ST8SIA6: variants seen among roughly 807,000 people sequenced by gnomAD.
ST8SIA6 encodes alpha-2,8-sialyltransferase 8F.
Under a neutral mutation model 33.6 loss-of-function variants are expected in ST8SIA6, and 39 were observed. That is an observed-to-expected ratio of 1.16 (90% CI 0.90 to 1.52). The LOEUF is 1.52. Among genes scored for constraint, ST8SIA6 ranks in the 40% most tolerant of loss-of-function variants. The pLI, the probability that ST8SIA6 is intolerant of heterozygous loss-of-function variation, is 0.00. For synonymous variants in ST8SIA6, 172 were observed against 167.2 expected (o/e 1.03, Z -0.22); for missense variants, 441 against 443.8 (o/e 0.99, Z 0.06).
intron 3 of ST8SIA6, among the ~76,000 whole-genome samples, chr10:17,367,389 G>A (rs1185794501): frequency 6.6e-6 from 1 of 152,028 alleles, no homozygotes; most frequent in Non-Finnish European, 1.5e-5. Context: ...AGAACAGCAC[G>A]AGAAAACCCG....
chr10:17,334,105 C>T (rs899874125), intron 4 of ST8SIA6, among the ~76,000 whole-genome samples: 2 of 151,580 alleles, frequency 1.3e-5, no homozygotes, highest in Admixed American at 1.3e-4. Context: ...AGCAGTTAAA[C>T]ACACTTAGGT....
rs141127233 is a variant in ST8SIA6, at chr10:17,335,464, A to C, written c.378-3912T>G. Among the ~76,000 whole-genome samples the C allele has an allele frequency of 2.7e-3, 418 of 152,316 alleles. 2 individuals are homozygous for C. Among genetic ancestry groups the C allele is most frequent in the African/African-American group, 9.6e-3 (400 of 41,584 alleles). On this transcript the variant is annotated intron_variant, in intron 4 of 7. Coordinates refer to ENST00000377602, the MANE Select transcript of ST8SIA6 (RefSeq NM_001004470.3). Reference sequence around the variant, plus strand: ...CTTCTGAATTCCAATAATTCTCAAGACGTGAAAAGTAGGGGTAATATTTGC... The same window carrying C: ...CTTCTGAATTCCAATAATTCTCAAGCCGTGAAAAGTAGGGGTAATATTTGC...
In ST8SIA6 at chr10:17,378,376, C is replaced by T. The variant is rs536724742; in HGVS notation, c.290+12155G>A. Among the ~76,000 whole-genome samples, 7 of 152,242 alleles carry T rather than the reference C, an allele frequency of 4.6e-5. No individual in the cohort carries two copies. The East Asian group carries it at 5.8e-4, about 13-fold the overall frequency. On this transcript the variant is annotated intron_variant, in intron 3 of 7. Transcript: ENST00000377602. ...CTTTTGTCACTTTGGAAAGCAAAAACGGATAATGTCAGAGACCACTGAAGA... is the reference window on the plus strand; with the variant it reads ...CTTTTGTCACTTTGGAAAGCAAAAATGGATAATGTCAGAGACCACTGAAGA...
chr10:17,327,591 CA>C (rs1436983378), intron 5 of ST8SIA6, among the ~76,000 whole-genome samples: 1 of 147,960 alleles, frequency 6.8e-6, no homozygotes. Context: ...GTCTCCAAAA[CA>C]AAACAAAACA....
At chr10:17,449,375 T>C (rs990510228) in intron 2 of ST8SIA6, among the ~76,000 whole-genome samples, 9 of 152,182 alleles carry the variant, frequency 5.9e-5, no homozygotes, top group African/African-American at 2.2e-4. Flanking sequence ...AGAGAAAGGA[T>C]CCATTGTAAT....
chr10:17,331,967 G>C (rs1848317375), intron 4 of ST8SIA6, among the ~76,000 whole-genome samples: 1 of 152,222 alleles, frequency 6.6e-6, no homozygotes, highest in African/African-American at 2.4e-5. Flanking sequence ...ACAGGCACCA[G>C]TGTGAGATGT....
intron 3 of ST8SIA6, among the ~76,000 whole-genome samples, chr10:17,362,493 A>C (rs1186575657): frequency 6.6e-6 from 1 of 152,158 alleles, no homozygotes. Context: ...ATACTTTTTT[A>C]AAGAGTTCCC....
intron 3 of ST8SIA6, among the ~76,000 whole-genome samples, chr10:17,385,940 T>A (rs916794453): frequency 3.3e-5 from 5 of 152,132 alleles, no homozygotes; most frequent in African/African-American, 1.2e-4. Flanking sequence ...CACAACACTT[T>A]GGGAGGCCAA....
At position 17,318,616 on chromosome 10, in the gene ST8SIA6, C is replaced by T. The variant is rs1847846517; in HGVS notation, c.*2262G>A. On this transcript the variant is annotated 3_prime_UTR_variant, in exon 8 of 8. Coordinates refer to ENST00000377602, the MANE Select transcript of ST8SIA6 (RefSeq NM_001004470.3). The stretch of plus-strand genomic sequence containing the variant: ...GAGCAGAAGATCACATTAGATCTAA[C>T]AATATTTAAGCAATGCTGATTACAT... 3 of 461,822 alleles carry T rather than the reference C, an allele frequency of 6.5e-6. No homozygotes were observed. Among genetic ancestry groups the T allele is most frequent in the Non-Finnish European group, 1.3e-5 (3 of 224,234 alleles). 28.6% of individuals were successfully genotyped at this position (461,822 alleles called of 1,614,324 possible).
At chr10:17,340,954 G>C (rs897417530) in intron 4 of ST8SIA6, among the ~76,000 whole-genome samples, 2 of 152,238 alleles carry the variant, frequency 1.3e-5, no homozygotes, top group Non-Finnish European at 2.9e-5. Flanking sequence ...GCAGGAGTCT[G>C]TGTGTTTGCC....
intron 4 of ST8SIA6, among the ~76,000 whole-genome samples, chr10:17,339,689 C>T (rs2131595293): frequency 6.7e-6 from 1 of 148,296 alleles, no homozygotes; most frequent in East Asian, 1.9e-4. Context: ...CAATAACCAA[C>T]ATTTAGTGCA....
chr10:17,347,135 T>C (rs1475451084), intron 4 of ST8SIA6, among the ~76,000 whole-genome samples: 4 of 152,294 alleles, frequency 2.6e-5, no homozygotes, highest in Admixed American at 2.0e-4. Context: ...GTTAACCACA[T>C]CTACAAAATA....
rs559219633 is a variant in ST8SIA6 at position 17,319,817 on chromosome 10, A to G, written c.*1061T>C. Reference sequence around the variant, plus strand: ...CAATTACATATTTCTAATATCATCAATGGTTTCAGGCATCCACAGGGGGTC... The same window carrying G: ...CAATTACATATTTCTAATATCATCAGTGGTTTCAGGCATCCACAGGGGGTC... On this transcript the variant is annotated 3_prime_UTR_variant, in exon 8 of 8. Transcript: ENST00000377602. 12 of 152,274 alleles carry G rather than the reference A, an allele frequency of 7.9e-5. No individual in the cohort carries two copies. The highest frequency in any genetic ancestry group is 1.9e-4 in the East Asian group (1 of 5,186). The allele number at this position is 152,274 out of a possible 1,614,324, so 9.4% of individuals were successfully genotyped here. A position where few individuals can be genotyped will look rare whatever the true frequency, so the allele number is the denominator to read the frequency against.
At chr10:17,397,527 G>A (rs920420989) in intron 2 of ST8SIA6, among the ~76,000 whole-genome samples, 4 of 152,120 alleles carry the variant, frequency 2.6e-5, no homozygotes, top group African/African-American at 4.8e-5. Flanking sequence ...GAGCCACCGC[G>A]CCTGGCCTCC....
chr10:17,341,900 CAAAAA>C (rs71393004), intron 4 of ST8SIA6, among the ~76,000 whole-genome samples: 2 of 73,164 alleles, frequency 2.7e-5, no homozygotes, highest in Admixed American at 2.0e-4. Context: ...GGCTCCATCT[CAAAAA>C]AAAAAAAAAA....
At chr10:17,373,059 G>T (rs1849786473) in intron 3 of ST8SIA6, among the ~76,000 whole-genome samples, 1 of 151,874 alleles carries the variant, frequency 6.6e-6, no homozygotes, top group South Asian at 2.1e-4. Flanking sequence ...AATTCCCACG[G>T]CTGCAAGAAA....
rs974215070 is a variant in ST8SIA6 at position 17,316,434 on chromosome 10, T to C, written c.*4444A>G. Among the ~76,000 whole-genome samples, 2 of 152,106 alleles carry C rather than the reference T, an allele frequency of 1.3e-5. No individual in the cohort carries two copies. Among genetic ancestry groups the C allele is most frequent in the African/African-American group, 4.8e-5 (2 of 41,456 alleles). ...GACAGATATCTGTGAGTCCAATTTG[T>C]CTACTTACTACCGCAAACCATAATG... is the stretch of plus-strand genomic sequence containing the variant. On this transcript the variant is annotated 3_prime_UTR_variant, in exon 8 of 8. Coordinates refer to ENST00000377602, the MANE Select transcript of ST8SIA6 (RefSeq NM_001004470.3).
chr10:17,371,341 G>T (rs1342158337), intron 3 of ST8SIA6, among the ~76,000 whole-genome samples: 1 of 152,156 alleles, frequency 6.6e-6, no homozygotes, highest in Non-Finnish European at 1.5e-5. Context: ...GTGGGAGATA[G>T]AAATTTGAGA....
At chr10:17,322,042 G>A (rs1217323317) in intron 7 of ST8SIA6, among the ~76,000 whole-genome samples, 2 of 151,720 alleles carry the variant, frequency 1.3e-5, no homozygotes, top group Admixed American at 6.6e-5. Flanking sequence ...GTTTGAGGCT[G>A]CAGTGACCTG....
Sources: allele counts gnomAD v4.1 joint callset (sites outside exome capture counted in the v4.1 genomes callset), GRCh38; gene constraint gnomAD v4.1.1; transcripts MANE v1.5; gene names NCBI Gene and HGNC (gene_info 2026-07-23, HGNC 2026-07-21).